The following RHOT1 variants were observed in gnomAD, a reference collection of about 807,000 sequenced individuals.
RHOT1 encodes the protein mitochondrial Rho GTPase 1.
In RHOT1, 27 loss-of-function variants were observed where a neutral mutation model predicts 95.3. The ratio of observed to expected loss-of-function variants is 0.28; its 90% CI spans 0.21 to 0.39. The LOEUF (loss-of-function observed/expected upper bound fraction) is 0.39. Among genes scored for constraint, RHOT1 ranks in the 10% least tolerant of loss-of-function variants. RHOT1 has a pLI of 1.00. For synonymous variants in RHOT1, 227 were observed against 263.5 expected (o/e 0.86, Z 1.34); for missense variants, 578 against 786.7 (o/e 0.73, Z 3.17).
chr17:32,143,248 G>A (rs1294902856), intron 1 of RHOT1: 1 of 369,424 alleles, frequency 2.7e-6, no homozygotes, highest in East Asian at 7.3e-5. Context: ...TTGTGGGCAA[G>A]GTCAGGTTTC....
chr17:32,213,998 C>T (rs1598461971), intron 19 of RHOT1, among the ~76,000 whole-genome samples: 1 of 151,996 alleles, frequency 6.6e-6, no homozygotes, highest in East Asian at 1.9e-4. Flanking sequence ...ATCTGGTAAT[C>T]AAGAATGGAA....
chr17:32,168,127 T>G (rs2034253451), intron 1 of RHOT1, among the ~76,000 whole-genome samples: 1 of 152,008 alleles, frequency 6.6e-6, no homozygotes, highest in African/African-American at 2.4e-5. Context: ...AAAAAAAGAT[T>G]CCTTTCAAAA....
At chr17:32,167,716 G>A (rs570286249) in intron 1 of RHOT1, among the ~76,000 whole-genome samples, 4 of 152,238 alleles carry the variant, frequency 2.6e-5, no homozygotes, top group South Asian at 2.1e-4. Flanking sequence ...TCTAGCTATC[G>A]ATGGCATCTT....
At chr17:32,188,393 A>G (rs980010832) in intron 8 of RHOT1, among the ~76,000 whole-genome samples, 42 of 152,246 alleles carry the variant, frequency 2.8e-4, no homozygotes, top group African/African-American at 7.2e-4. Flanking sequence ...GTGTAATGAC[A>G]TGCTAAAAGG....
Position 32,208,182 on chromosome 17 carries a change from T to A in RHOT1, c.1612T>A (p.Tyr538Asn). 6.2e-7 allele frequency: 1 copy of A among 1,614,086 alleles called. No individual in the cohort carries two copies. Among genetic ancestry groups the A allele is most frequent in the Non-Finnish European group, 8.5e-7 (1 of 1,179,944 alleles). ...KSDLHEVKQE[Y>N]SISPTDFCRK... ...AGACCTGCATGAAGTTAAACAAGAA[T>A]ACAGTATTTCACCTACTGATTTCTG... The change falls in exon 18 of 20, where the codon TAC becomes AAC. Residue 538 changes from tyrosine to asparagine, a missense_variant. Coordinates refer to ENST00000545287, the MANE Select transcript of RHOT1 (RefSeq NM_001033566.3).
chr17:32,193,867 T>A, intron 10 of RHOT1, 120 bp from the exon 11 acceptor site: 1 of 1,269,678 alleles, frequency 7.9e-7, no homozygotes, highest in East Asian at 2.4e-5. Flanking sequence ...TGTTTTGTTT[T>A]GAGCTTTACA....
Position 32,172,487 on chromosome 17 carries a change from G to A in RHOT1, c.97-1344G>A, listed in dbSNP as rs150097528. 4.1e-3 allele frequency among the ~76,000 whole-genome samples: 620 copies of A among 152,266 alleles called. 2 individuals are homozygous for A. The highest frequency in any genetic ancestry group is 7.4e-3 in the Non-Finnish European group (504 of 68,020). ...TTAGGGATTGTAAGTAATCTAGAAG[G>A]GTTTTTAATTAATTTTTAAAAATTC... On this transcript the variant is annotated intron_variant, in intron 2 of 19. Coordinates refer to ENST00000545287, the MANE Select transcript of RHOT1 (RefSeq NM_001033566.3).
chr17:32,149,615 A>ATGTGTGTGTGTGTGTG (rs1272063309), intron 1 of RHOT1, among the ~76,000 whole-genome samples: 2 of 84,098 alleles, frequency 2.4e-5, no homozygotes, highest in African/African-American at 1.3e-4. Flanking sequence ...ATATATATAT[A>ATGTGTGTGTGTGTGTG]TATATATATA....
At chr17:32,155,495 CTTTT>C in intron 1 of RHOT1, among the ~76,000 whole-genome samples, 1 of 135,560 alleles carries the variant, frequency 7.4e-6, no homozygotes, top group East Asian at 2.1e-4. Flanking sequence ...TTCTTTCTTT[CTTTT>C]TTTTTTTTTT....
chr17:32,206,806 A>T, intron 16 of RHOT1, 104 bp from the exon 17 acceptor site: 1 of 833,036 alleles, frequency 1.2e-6, no homozygotes, highest in Non-Finnish European at 1.8e-6. Context: ...CTTAACCAGT[A>T]CTTTTAAACT....
intron 11 of RHOT1, 100 bp downstream of exon 11, chr17:32,194,207 G>A (rs1598409595): frequency 1.6e-6 from 2 of 1,246,984 alleles, no homozygotes; most frequent in East Asian, 4.7e-5. Context: ...CCTGAGTCAA[G>A]TGATCCTCCC....
chr17:32,193,026 T>C, intron 9 of RHOT1, 110 bp from the exon 10 acceptor site: 1 of 666,514 alleles, frequency 1.5e-6, no homozygotes, highest in South Asian at 2.0e-5. Context: ...AGAATATGTT[T>C]CTTTGGTTGC....
At chr17:32,173,798 T>TA (rs779103744) in intron 2 of RHOT1, 33 bp from the exon 3 acceptor site, 8 of 1,044,482 alleles carry the variant, frequency 7.7e-6, no homozygotes, top group Non-Finnish European at 9.6e-6. Flanking sequence ...TTCAAAGGTG[T>TA]TTTTTTTTTT....
At chr17:32,161,678 C>G (rs947501411) in intron 1 of RHOT1, among the ~76,000 whole-genome samples, 6 of 152,320 alleles carry the variant, frequency 3.9e-5, no homozygotes, top group African/African-American at 1.2e-4. Context: ...AGGTTAGAAG[C>G]AAGATGGAGT....
chr17:32,199,354 G>T, intron 12 of RHOT1, 51 bp from the exon 13 acceptor site: 1 of 1,541,898 alleles, frequency 6.5e-7, no homozygotes, highest in Non-Finnish European at 8.8e-7. Context: ...TTTTGAGTTG[G>T]GAATTATTAT....
At chr17:32,186,491 G>A (rs1391932534) in intron 8 of RHOT1, among the ~76,000 whole-genome samples, 1 of 151,658 alleles carries the variant, frequency 6.6e-6, no homozygotes, top group Non-Finnish European at 1.5e-5. Flanking sequence ...AGCCTCCCGG[G>A]TAGCTGGAAC....
intron 19 of RHOT1, among the ~76,000 whole-genome samples, chr17:32,221,961 C>A (rs1372577777): frequency 1.3e-5 from 2 of 152,112 alleles, no homozygotes; most frequent in Admixed American, 1.3e-4. Flanking sequence ...AACAAGAAAC[C>A]ACATATCTGT....
At chr17:32,162,870 A>G (rs2033691884) in intron 1 of RHOT1, among the ~76,000 whole-genome samples, 1 of 152,194 alleles carries the variant, frequency 6.6e-6, no homozygotes, top group Non-Finnish European at 1.5e-5. Context: ...TAGAATTTGA[A>G]CCATCCTTGA....
intron 1 of RHOT1, among the ~76,000 whole-genome samples, chr17:32,155,221 G>A (rs1304746483): frequency 2.0e-5 from 3 of 151,134 alleles, no homozygotes; most frequent in Non-Finnish European, 4.4e-5. Context: ...GTGCAGTGGC[G>A]CGATCTCGGC....
Sources: allele counts gnomAD v4.1 joint callset (sites outside exome capture counted in the v4.1 genomes callset), GRCh38; gene constraint gnomAD v4.1.1; transcripts MANE v1.5; gene names NCBI Gene and HGNC (gene_info 2026-07-23, HGNC 2026-07-21).